Variants in ZNF423 observed in about 807,000 individuals in gnomAD.
ZNF423 encodes the protein Ebf-associated zinc finger protein.
Under a neutral mutation model 95.8 loss-of-function variants are expected in ZNF423, and 12 were observed. That is an observed-to-expected ratio of 0.13 (90% CI 0.08 to 0.20). The LOEUF (loss-of-function observed/expected upper bound fraction) is 0.20, where lower values mean the gene tolerates loss of function less well. Ranked by LOEUF, ZNF423 falls within the 10% of genes least tolerant of loss-of-function variation. The pLI, the probability that ZNF423 is intolerant of heterozygous loss-of-function variation, is 1.00. For synonymous variants in ZNF423, 749 were observed against 711.9 expected (o/e 1.05, Z -0.83); for missense variants, 1,316 against 1,737.1 (o/e 0.76, Z 4.31).
intron 1 of ZNF423, among the ~76,000 whole-genome samples, chr16:49,806,783 C>T (rs2034670667): frequency 6.6e-6 from 1 of 151,854 alleles, no homozygotes; most frequent in Admixed American, 6.6e-5. Flanking sequence ...AATCCCAGCA[C>T]TTTGGGAGGC....
chr16:49,548,997 T>C (rs1054733575), intron 5 of ZNF423, among the ~76,000 whole-genome samples: 22 of 152,234 alleles, frequency 1.4e-4, no homozygotes, highest in Admixed American at 1.1e-3. Context: ...CACAGGCCTA[T>C]CTTGCATTTT....
intron 5 of ZNF423, among the ~76,000 whole-genome samples, chr16:49,567,472 C>T (rs535930216): frequency 6.6e-6 from 1 of 152,112 alleles, no homozygotes; most frequent in African/African-American, 2.4e-5. Context: ...GCTAGACAGA[C>T]CCCAGAAGGG....
At chr16:49,755,372 C>T (rs972742190) in intron 2 of ZNF423, among the ~76,000 whole-genome samples, 2 of 152,204 alleles carry the variant, frequency 1.3e-5, no homozygotes, top group Non-Finnish European at 2.9e-5. Flanking sequence ...TTGCCGCTTC[C>T]TGCTTCCTCC....
intron 5 of ZNF423, among the ~76,000 whole-genome samples, chr16:49,526,053 G>A (rs1968592937): frequency 6.6e-6 from 1 of 152,134 alleles, no homozygotes. Context: ...GAGCACTCTA[G>A]GAGAGGGGTG....
At chr16:49,839,141 C>T (rs2035155673) in intron 1 of ZNF423, among the ~76,000 whole-genome samples, 1 of 151,562 alleles carries the variant, frequency 6.6e-6, no homozygotes. Context: ...TCCCCTCCCC[C>T]GCGGTTTCTC....
chr16:49,672,176 C>T (rs1026609532), intron 3 of ZNF423, among the ~76,000 whole-genome samples: 1 of 152,024 alleles, frequency 6.6e-6, no homozygotes, highest in Non-Finnish European at 1.5e-5. Context: ...CTAATGTGAA[C>T]GAAATAAAGA....
chr16:49,584,879 A>G (rs1970776632), intron 5 of ZNF423, among the ~76,000 whole-genome samples: 4 of 152,214 alleles, frequency 2.6e-5, no homozygotes, highest in Admixed American at 2.0e-4. Context: ...CGGGAACATA[A>G]TTCAGCCCAG....
intron 5 of ZNF423, among the ~76,000 whole-genome samples, chr16:49,594,200 C>G (rs1971110878): frequency 1.3e-5 from 2 of 152,246 alleles, no homozygotes; most frequent in Admixed American, 1.3e-4. Context: ...GTGTTAGACC[C>G]TGGTTCAGTT....
intron 3 of ZNF423, among the ~76,000 whole-genome samples, chr16:49,641,239 C>A (rs921206913): frequency 2.0e-5 from 3 of 152,208 alleles, no homozygotes; most frequent in African/African-American, 7.2e-5. Context: ...CCAGGACTGT[C>A]CACATTCAGG....
intron 3 of ZNF423, among the ~76,000 whole-genome samples, chr16:49,710,769 C>T (rs1181731332): frequency 5.3e-5 from 8 of 152,218 alleles, no homozygotes; most frequent in Non-Finnish European, 8.8e-5. Flanking sequence ...GGTGACAACA[C>T]GTGGCAATGC....
At chr16:49,651,435 C>T (rs900416310) in intron 3 of ZNF423, among the ~76,000 whole-genome samples, 2 of 152,152 alleles carry the variant, frequency 1.3e-5, no homozygotes, top group African/African-American at 4.8e-5. Flanking sequence ...ACCCCCACCC[C>T]CCTGCATGCC....
At chr16:49,709,772 A>T (rs968884493) in intron 3 of ZNF423, among the ~76,000 whole-genome samples, 1 of 152,172 alleles carries the variant, frequency 6.6e-6, no homozygotes, top group African/African-American at 2.4e-5. Context: ...CTTGCACCAG[A>T]GGGCACATAG....
chr16:49,697,290 G>T (rs377255783), intron 3 of ZNF423, among the ~76,000 whole-genome samples: 7 of 152,230 alleles, frequency 4.6e-5, no homozygotes, highest in African/African-American at 1.7e-4. Context: ...TGGGAGCAGA[G>T]CAGCTCCCAG....
At chr16:49,658,744 C>T (rs1407451720) in intron 3 of ZNF423, among the ~76,000 whole-genome samples, 1 of 152,258 alleles carries the variant, frequency 6.6e-6, no homozygotes, top group East Asian at 1.9e-4. Flanking sequence ...GGGCATTCCC[C>T]TGACTGGATT....
At chr16:49,725,222 G>GA (rs1345926902) in intron 3 of ZNF423, among the ~76,000 whole-genome samples, 2 of 152,040 alleles carry the variant, frequency 1.3e-5, no homozygotes, top group African/African-American at 2.4e-5. Flanking sequence ...ATCCATACAA[G>GA]AAAAAATTAA....
chr16:49,553,497 C>G (rs1033454406), intron 5 of ZNF423, among the ~76,000 whole-genome samples: 3 of 152,152 alleles, frequency 2.0e-5, no homozygotes, highest in Admixed American at 2.0e-4. Context: ...CAGGCATGCA[C>G]CACCCCCACG....
intron 5 of ZNF423, among the ~76,000 whole-genome samples, chr16:49,572,847 G>A (rs1198530295): frequency 1.3e-5 from 2 of 152,212 alleles, no homozygotes; most frequent in African/African-American, 4.8e-5. Flanking sequence ...GAGCTGTGGA[G>A]AGACTCAACT....
chr16:49,525,370 A>G lies in ZNF423; in HGVS notation c.3726T>C (p.Cys1242=). 1 of 1,614,028 alleles carries G rather than the reference A, an allele frequency of 6.2e-7. No homozygotes were observed. The change falls in exon 6 of 8, where the codon TGT becomes TGC. Residue 1242 remains cysteine, a synonymous_variant. Coordinates refer to ENST00000563137, the MANE Select transcript of ZNF423 (RefSeq NM_001379286.1). Reference sequence around the variant, plus strand: ...ACAAGCTGGGTACCTTACCTGTGAAACACACGGGGCATTTGAAGGTGCCGC... The same window carrying G: ...ACAAGCTGGGTACCTTACCTGTGAAGCACACGGGGCATTTGAAGGTGCCGC... ...GMGGTFKCPV[C]FTVFVQANKL...
chr16:49,808,724 G>A (rs1222609335), intron 1 of ZNF423, among the ~76,000 whole-genome samples: 1 of 152,190 alleles, frequency 6.6e-6, no homozygotes, highest in Non-Finnish European at 1.5e-5. Context: ...CCCAAAACCT[G>A]TGGCTCATCC....
Sources: gnomAD v4.1 joint callset for allele counts (sites outside exome capture counted in the v4.1 genomes callset) on GRCh38, gnomAD v4.1.1 for gene constraint, MANE v1.5 for transcripts, NCBI Gene and HGNC (gene_info 2026-07-23, HGNC 2026-07-21) for gene names.